The following AGR3 variants were observed in gnomAD, a reference collection of about 807,000 sequenced individuals.
AGR3 encodes the protein anterior gradient 3, protein disulphide isomerase family member.
AGR3 carries 37 observed loss-of-function variants against 24.5 expected under a neutral mutation model. That is an observed-to-expected ratio of 1.51 (90% CI 1.16 to 1.99). AGR3 has a LOEUF of 1.99. Among genes scored for constraint, AGR3 ranks in the 30% most tolerant of loss-of-function variants. The pLI is 0.00. For synonymous variants in AGR3, 75 were observed against 61.6 expected (o/e 1.22, Z -1.02); for missense variants, 228 against 191.1 (o/e 1.19, Z -1.14).
chr7:16,864,609 T>C, intron 3 of AGR3: 1 of 1,522,550 alleles, frequency 6.6e-7, no homozygotes, highest in Non-Finnish European at 9.1e-7. Context: ...GAATGGTTAT[T>C]AGAGCAAGGT....
At chr7:16,861,822 A>G (rs1781649579) in intron 5 of AGR3, among the ~76,000 whole-genome samples, 162 bp downstream of exon 5, 1 of 151,396 alleles carries the variant, frequency 6.6e-6, no homozygotes, top group African/African-American at 2.4e-5. Flanking sequence ...AACTGCTTGA[A>G]CCAGGGAGGC....
downstream of AGR3, among the ~76,000 whole-genome samples, chr7:16,856,960 A>G (rs746495975): frequency 2.0e-4 from 29 of 148,026 alleles, no homozygotes; most frequent in Non-Finnish European, 4.1e-4. Flanking sequence ...AGAAATATCA[A>G]CTACAATATA....
chr7:16,871,568 C>T (rs563800297), intron 3 of AGR3, among the ~76,000 whole-genome samples: 7 of 152,228 alleles, frequency 4.6e-5, no homozygotes, highest in South Asian at 2.1e-4. Context: ...AAAGGCCAGG[C>T]GTGGTGGCTA....
At chr7:16,868,281 G>T (rs183032966) in intron 3 of AGR3, among the ~76,000 whole-genome samples, 53 of 151,930 alleles carry the variant, frequency 3.5e-4, no homozygotes, top group African/African-American at 1.2e-3. Flanking sequence ...TCAGACTCCC[G>T]AGTAGCTGGG....
chr7:16,856,952 A>G (rs149047963), downstream of AGR3, among the ~76,000 whole-genome samples: 17 of 151,334 alleles, frequency 1.1e-4, no homozygotes, highest in African/African-American at 3.9e-4. Context: ...TGTGCGGTAG[A>G]AATATCAACT....
chr7:16,876,889 A>C (rs1781995174), intron 2 of AGR3, among the ~76,000 whole-genome samples: 1 of 152,226 alleles, frequency 6.6e-6, no homozygotes, highest in Non-Finnish European at 1.5e-5. Flanking sequence ...GTGCTGCTTA[A>C]TGCAGACATG....
downstream of AGR3, among the ~76,000 whole-genome samples, chr7:16,854,685 T>C (rs1781530729): frequency 6.6e-6 from 1 of 152,206 alleles, no homozygotes; most frequent in African/African-American, 2.4e-5. Flanking sequence ...ATTGAGTGGC[T>C]TAAACAGTCA....
chr7:16,873,186 T>A (rs1282218359), intron 3 of AGR3, among the ~76,000 whole-genome samples: 1 of 152,136 alleles, frequency 6.6e-6, no homozygotes, highest in East Asian at 1.9e-4. Flanking sequence ...AGATATAGAA[T>A]CAACCTAAAT....
chr7:16,866,083 A>T, intron 3 of AGR3: 1 of 598,148 alleles, frequency 1.7e-6, no homozygotes, highest in Non-Finnish European at 3.1e-6. Flanking sequence ...TCTAAACCAT[A>T]TATCTGTTCT....
chr7:16,861,793 T>G (rs1781648913), intron 5 of AGR3, among the ~76,000 whole-genome samples, 191 bp downstream of exon 5: 1 of 151,076 alleles, frequency 6.6e-6, no homozygotes, highest in Admixed American at 6.6e-5. Flanking sequence ...CCCAGCTACT[T>G]GGGAGGCTGA....
chr7:16,867,834 A>G (rs1203929021), intron 3 of AGR3, among the ~76,000 whole-genome samples: 2 of 152,164 alleles, frequency 1.3e-5, no homozygotes, highest in African/African-American at 4.8e-5. Context: ...GGGAGTGCAG[A>G]TATCTCTTAG....
At chr7:16,872,802 T>C (rs575940305) in intron 3 of AGR3, among the ~76,000 whole-genome samples, 3 of 152,202 alleles carry the variant, frequency 2.0e-5, no homozygotes, top group South Asian at 2.1e-4. Context: ...AAGATCTGAA[T>C]AGACATTTCT....
intron 2 of AGR3, among the ~76,000 whole-genome samples, chr7:16,874,097 ATGT>A (rs1343965689): frequency 6.6e-6 from 1 of 152,198 alleles, no homozygotes; most frequent in African/African-American, 2.4e-5. Flanking sequence ...TACTCAATAC[ATGT>A]TGTTATGATT....
At chr7:16,858,501 A>G (rs1451121674), downstream of AGR3, among the ~76,000 whole-genome samples, 1 of 152,214 alleles carries the variant, frequency 6.6e-6, no homozygotes, top group African/African-American at 2.4e-5. Flanking sequence ...TTAATTGGAG[A>G]AATTCTTCAT....
chr7:16,858,102 C>G (rs1346605487), downstream of AGR3, among the ~76,000 whole-genome samples: 1 of 151,942 alleles, frequency 6.6e-6, no homozygotes, highest in Non-Finnish European at 1.5e-5. Flanking sequence ...ATTCTCCTGC[C>G]TCAGCCTCCT....
intron 2 of AGR3, among the ~76,000 whole-genome samples, chr7:16,875,300 A>G (rs1781965568): frequency 6.6e-6 from 1 of 151,900 alleles, no homozygotes; most frequent in Non-Finnish European, 1.5e-5. Flanking sequence ...CCCCTAATCT[A>G]CTTTCTGTCT....
At chr7:16,874,020 G>C (rs1319271666) in intron 2 of AGR3, among the ~76,000 whole-genome samples, 177 bp from the exon 3 acceptor site, 1 of 152,172 alleles carries the variant, frequency 6.6e-6, no homozygotes, top group Non-Finnish European at 1.5e-5. Context: ...TTTCCCTTTA[G>C]ATTGCAGTAC....
At chr7:16,876,836 G>A (rs1374737095) in intron 2 of AGR3, among the ~76,000 whole-genome samples, 2 of 152,140 alleles carry the variant, frequency 1.3e-5, no homozygotes, top group Non-Finnish European at 1.5e-5. Context: ...ATATTTAGAA[G>A]TGAGCACACA....
intron 2 of AGR3, among the ~76,000 whole-genome samples, chr7:16,877,344 T>TTA (rs1336307411): frequency 5.4e-5 from 8 of 147,754 alleles, no homozygotes; most frequent in African/African-American, 1.7e-4. Flanking sequence ...TATATATATT[T>TTA]TATATATATA....
Sources: allele counts gnomAD v4.1 joint callset (sites outside exome capture counted in the v4.1 genomes callset), GRCh38; gene constraint gnomAD v4.1.1; transcripts MANE v1.5; gene names NCBI Gene and HGNC (gene_info 2026-07-23, HGNC 2026-07-21).